Variants in GALNT13 observed in about 807,000 individuals in gnomAD.
The protein encoded by GALNT13 is UDP-GalNAc:polypeptide N-acetylgalactosaminyltransferase 13.
GALNT13 carries 28 observed loss-of-function variants against 64.2 expected under a neutral mutation model. The ratio of observed to expected loss-of-function variants is 0.44; its 90% CI spans 0.32 to 0.60. GALNT13 has a LOEUF of 0.60. GALNT13 is among the 20% of genes least tolerant of loss of function. GALNT13 has a pLI of 0.05. For missense variants in GALNT13, 577 were observed against 669.8 expected, an observed-to-expected ratio of 0.86 and a Z score of 1.53; for synonymous variants, 214 against 224.6, an observed-to-expected ratio of 0.95 and a Z score of 0.42.
chr2:153,604,571 CCTG>C, the GALNT13 span, among the ~76,000 whole-genome samples: 1 of 151,966 alleles, frequency 6.6e-6, no homozygotes, highest in African/African-American at 2.4e-5. Context: ...TCTAGATAAA[CCTG>C]CTGGAAAATA....
At chr2:153,490,555 T>G in the GALNT13 span, among the ~76,000 whole-genome samples, 2 of 152,142 alleles carry the variant, frequency 1.3e-5, no homozygotes, top group Non-Finnish European at 2.9e-5. Context: ...AATTTTTGTA[T>G]TTTTAATAGA....
At chr2:153,133,137 GA>G in the GALNT13 span, among the ~76,000 whole-genome samples, 1 of 151,240 alleles carries the variant, frequency 6.6e-6, no homozygotes, top group South Asian at 2.1e-4. Context: ...CCTGCTGTAA[GA>G]CAGTTCCATC....
the GALNT13 span, among the ~76,000 whole-genome samples, chr2:153,608,289 T>G: frequency 2.6e-5 from 4 of 152,168 alleles, no homozygotes; most frequent in Non-Finnish European, 5.9e-5. Context: ...GGGCTTAATA[T>G]AAATCGTGAG....
chr2:153,592,038 A>G, the GALNT13 span, among the ~76,000 whole-genome samples: 1 of 151,152 alleles, frequency 6.6e-6, no homozygotes, highest in Admixed American at 6.6e-5. Context: ...ATTTTTTCAA[A>G]AGCAAACTGA....
chr2:153,121,613 C>A, the GALNT13 span, among the ~76,000 whole-genome samples: 2 of 152,176 alleles, frequency 1.3e-5, no homozygotes. Flanking sequence ...CTCACTGCAA[C>A]CTCCGCTGCC....
chr2:153,614,276 A>G, the GALNT13 span, among the ~76,000 whole-genome samples: 47 of 152,116 alleles, frequency 3.1e-4, no homozygotes, highest in Non-Finnish European at 3.4e-4. Context: ...TACTTACCTT[A>G]TAGTATTGTT....
chr2:153,481,273 C>T, the GALNT13 span, among the ~76,000 whole-genome samples: 6 of 152,012 alleles, frequency 3.9e-5, no homozygotes, highest in Non-Finnish European at 1.5e-5. Flanking sequence ...ATTTATTATT[C>T]ATTCATTAAT....
At chr2:154,137,167 T>TTTC (rs373915393) in intron 3 of GALNT13, among the ~76,000 whole-genome samples, 28 of 152,202 alleles carry the variant, frequency 1.8e-4, no homozygotes, top group African/African-American at 6.3e-4. Context: ...AGAAAAGTGT[T>TTTC]TTCTTCTGGT....
chr2:153,610,927 T>G, the GALNT13 span, among the ~76,000 whole-genome samples: 1 of 152,142 alleles, frequency 6.6e-6, no homozygotes, highest in African/African-American at 2.4e-5. Flanking sequence ...AACTAATAAT[T>G]TCTTGGACCA....
chr2:154,160,461 C>G (rs939023066), intron 4 of GALNT13, among the ~76,000 whole-genome samples: 1 of 152,060 alleles, frequency 6.6e-6, no homozygotes, highest in African/African-American at 2.4e-5. Context: ...TTCATGACTC[C>G]TTACCACATC....
At chr2:153,314,744 C>T in the GALNT13 span, among the ~76,000 whole-genome samples, 46 of 128,918 alleles carry the variant, frequency 3.6e-4, no homozygotes, top group African/African-American at 1.3e-3. Context: ...AAAAATACAA[C>T]ATGCCCAAAC....
the GALNT13 span, among the ~76,000 whole-genome samples, chr2:153,492,879 T>C: frequency 3.3e-5 from 5 of 152,142 alleles, no homozygotes; most frequent in African/African-American, 7.2e-5. Flanking sequence ...AGTATTCATT[T>C]ACAATAAAAC....
the GALNT13 span, among the ~76,000 whole-genome samples, chr2:153,339,508 T>C: frequency 6.6e-6 from 1 of 152,218 alleles, no homozygotes; most frequent in Admixed American, 6.5e-5. Context: ...ATATTTTGGA[T>C]ATTAACTGTG....
intron 3 of GALNT13, among the ~76,000 whole-genome samples, chr2:154,054,845 TAATAA>T (rs1056043368): frequency 6.6e-6 from 1 of 152,008 alleles, no homozygotes; most frequent in Non-Finnish European, 1.5e-5. Context: ...ATTATATTCA[TAATAA>T]AATAAGAAAT....
chr2:153,660,777 T>C, the GALNT13 span, among the ~76,000 whole-genome samples: 2 of 152,002 alleles, frequency 1.3e-5, no homozygotes, highest in Non-Finnish European at 2.9e-5. Flanking sequence ...ATTATCCTTA[T>C]AGCAGAGAGA....
chr2:153,209,829 T>G, the GALNT13 span, among the ~76,000 whole-genome samples: 3 of 152,146 alleles, frequency 2.0e-5, no homozygotes, highest in African/African-American at 7.2e-5. Flanking sequence ...TTTACTTAGA[T>G]CTACTCTAAA....
the GALNT13 span, among the ~76,000 whole-genome samples, chr2:153,667,220 C>T: frequency 6.6e-6 from 1 of 152,138 alleles, no homozygotes; most frequent in African/African-American, 2.4e-5. Flanking sequence ...TTGAGGATAT[C>T]ATCCCTGAAC....
chr2:153,485,945 T>C, the GALNT13 span, among the ~76,000 whole-genome samples: 5 of 152,238 alleles, frequency 3.3e-5, no homozygotes, highest in East Asian at 9.7e-4. Context: ...TTTTGTTTTT[T>C]TGGTTTTTTT....
chr2:154,437,434 AGACCC>A, intron 11 of GALNT13: 1 of 746,138 alleles, frequency 1.3e-6, no homozygotes, highest in Non-Finnish European at 1.8e-6. Context: ...AGAAACAAAA[AGACCC>A]TGACATGACC....
Sources: gnomAD v4.1 joint callset for allele counts (sites outside exome capture counted in the v4.1 genomes callset) on GRCh38, gnomAD v4.1.1 for gene constraint, MANE v1.5 for transcripts, NCBI Gene and HGNC (gene_info 2026-07-23, HGNC 2026-07-21) for gene names.